Variants in ANKRD12 observed in about 807,000 individuals in gnomAD.
ANKRD12 encodes ankyrin repeat domain 12.
Under a neutral mutation model 183.4 loss-of-function variants are expected in ANKRD12, and 85 were observed. That is an observed-to-expected ratio of 0.46 (90% CI 0.39 to 0.56). The LOEUF (loss-of-function observed/expected upper bound fraction) is 0.56, where lower values mean the gene tolerates loss of function less well. Ranked by LOEUF, ANKRD12 falls within the 20% of genes least tolerant of loss-of-function variation. The pLI, the probability that ANKRD12 is intolerant of heterozygous loss-of-function variation, is 0.00. For missense variants in ANKRD12, 2,405 were observed against 2,357.1 expected, an observed-to-expected ratio of 1.02 and a Z score of -0.42; for synonymous variants, 914 against 800.2, an observed-to-expected ratio of 1.14 and a Z score of -2.40.
chr18:9,226,037 G>C (rs1225779229), intron 8 of ANKRD12, among the ~76,000 whole-genome samples: 3 of 152,096 alleles, frequency 2.0e-5, no homozygotes, highest in Non-Finnish European at 4.4e-5. Flanking sequence ...CAATATTCAT[G>C]GTTGTGATGT....
rs1205090311 is a variant in ANKRD12 at position 9,279,418 on chromosome 18, C to T, written c.5908-131C>T. On this transcript the variant is annotated intron_variant, in intron 11 of 12. Transcript: ENST00000262126. ...AAGTTTTACCAACTTCAGCAGTATT[C>T]AATTTATATATTTCTCAAAATATAT... 3 of 588,372 alleles carry T rather than the reference C, an allele frequency of 5.1e-6. No homozygotes were observed. In the East Asian group the frequency reaches 9.9e-5, roughly 19 times the overall value. 36.4% of individuals were successfully genotyped at this position (588,372 alleles called of 1,614,324 possible).
At chr18:9,231,784 C>T (rs2144874548) in intron 8 of ANKRD12, among the ~76,000 whole-genome samples, 1 of 137,146 alleles carries the variant, frequency 7.3e-6, no homozygotes, top group African/African-American at 2.8e-5. Context: ...GAGATCATGC[C>T]ACTGCACTCC....
intron 7 of ANKRD12, among the ~76,000 whole-genome samples, chr18:9,219,845 G>GT (rs2036318456): frequency 6.6e-6 from 1 of 151,978 alleles, no homozygotes; most frequent in Non-Finnish European, 1.5e-5. Flanking sequence ...TAGATCAAAG[G>GT]TTTTTTAGCT....
At chr18:9,173,593 G>A (rs773461372) in intron 1 of ANKRD12, among the ~76,000 whole-genome samples, 2 of 138,004 alleles carry the variant, frequency 1.4e-5, no homozygotes, top group African/African-American at 2.7e-5. Context: ...CCTTCCCTTG[G>A]GAGCTCCATC....
Position 9,182,522 on chromosome 18 carries a change from A to G in ANKRD12, c.87+3A>G, listed in dbSNP as rs766294727. 6.4e-7 allele frequency: 1 copy of G among 1,562,912 alleles called. No individual in the cohort carries two copies. The highest frequency in any genetic ancestry group is 8.7e-7 in the Non-Finnish European group (1 of 1,149,604). On this transcript the variant is annotated splice_donor_region_variant and intron_variant, in intron 2 of 12. Transcript: ENST00000262126. ...TAGAGAAACCATATGGAAGAAAGGT[A>G]TATGATTATACTAAAGATTTGTTGA...
intron 1 of ANKRD12, among the ~76,000 whole-genome samples, chr18:9,166,663 A>G (rs924957708): frequency 4.6e-5 from 7 of 151,970 alleles, no homozygotes; most frequent in African/African-American, 1.7e-4. Flanking sequence ...CCCATTCTGT[A>G]GGTTGCCTGT....
intron 1 of ANKRD12, among the ~76,000 whole-genome samples, chr18:9,167,603 TGAG>T (rs893995487): frequency 1.3e-4 from 20 of 152,324 alleles, no homozygotes; most frequent in East Asian, 3.9e-4. Flanking sequence ...CTTATCAGCT[TGAG>T]GAGATTTTGG....
At chr18:9,141,345 G>A (rs1385820167) in intron 1 of ANKRD12, among the ~76,000 whole-genome samples, 1 of 152,094 alleles carries the variant, frequency 6.6e-6, no homozygotes, top group Non-Finnish European at 1.5e-5. Flanking sequence ...TTGATATCAT[G>A]CTTCTAAAGA....
intron 10 of ANKRD12, among the ~76,000 whole-genome samples, chr18:9,272,839 TG>T (rs2039671135): frequency 6.6e-6 from 1 of 152,180 alleles, no homozygotes; most frequent in Non-Finnish European, 1.5e-5. Context: ...GTTTTTTTCA[TG>T]AATTTATAAA....
At chr18:9,242,893 G>C (rs1421394234) in intron 8 of ANKRD12, among the ~76,000 whole-genome samples, 1 of 152,076 alleles carries the variant, frequency 6.6e-6, no homozygotes, top group Non-Finnish European at 1.5e-5. Flanking sequence ...ATGAAAATAA[G>C]TTCTTATCTG....
rs1319824045 is a variant in ANKRD12 at position 9,255,412 on chromosome 18, T to C, written c.2145T>C (p.His715=). 6.3e-7 allele frequency: 1 copy of C among 1,581,644 alleles called. No individual in the cohort carries two copies. The highest frequency in any genetic ancestry group is 8.5e-7 in the Non-Finnish European group (1 of 1,171,162). Residue 715 remains histidine (H), a synonymous_variant, in exon 9 of 13, where the codon CAT becomes CAC. Transcript: ENST00000262126. ...ETEDLFLNME[H]ESLTLEKKSK... Reference sequence around the variant, plus strand: ...AAGATCTCTTTTTAAATATGGAACATGAATCCTTAACATTAGAAAAAAAAT... The same window carrying C: ...AAGATCTCTTTTTAAATATGGAACACGAATCCTTAACATTAGAAAAAAAAT...
chr18:9,137,680 C>G (rs907134067), intron 1 of ANKRD12: 1 of 152,194 alleles, frequency 6.6e-6, no homozygotes, highest in Non-Finnish European at 1.5e-5. Flanking sequence ...CTCTACAGTT[C>G]TGTCTTAAAT....
intron 1 of ANKRD12, among the ~76,000 whole-genome samples, chr18:9,160,378 G>A (rs1470214470): frequency 6.6e-6 from 1 of 152,236 alleles, no homozygotes; most frequent in East Asian, 1.9e-4. Context: ...CTTCCAAAGT[G>A]CTAGGATTAT....
chr18:9,156,075 T>G (rs1253280986), intron 1 of ANKRD12, among the ~76,000 whole-genome samples: 4 of 147,458 alleles, frequency 2.7e-5, no homozygotes, highest in African/African-American at 1.0e-4. Context: ...GAGGTGGAGG[T>G]TGTGGTGAGT....
chr18:9,252,695 T>A (rs2038369813), intron 8 of ANKRD12, among the ~76,000 whole-genome samples: 1 of 152,190 alleles, frequency 6.6e-6, no homozygotes. Flanking sequence ...CTGGGTACAG[T>A]GGCTCGTGCC....
At chr18:9,193,636 AT>A in intron 2 of ANKRD12, among the ~76,000 whole-genome samples, 1 of 152,304 alleles carries the variant, frequency 6.6e-6, no homozygotes, top group South Asian at 2.1e-4. Flanking sequence ...TTTAAAAAAA[AT>A]GACATTAATT....
Position 9,281,018 on chromosome 18 carries a change from C to T in ANKRD12, c.6081C>T (p.Leu2027=). 1 of 1,614,090 alleles carries T rather than the reference C, an allele frequency of 6.2e-7. No individual in the cohort carries two copies. The highest frequency in any genetic ancestry group is 8.5e-7 in the Non-Finnish European group (1 of 1,179,990). The part of the protein sequence containing the change: ...AVQRLEWQLK[L]QELDPATYKS... ...AGAGGTTAGAATGGCAGCTCAAACTCCAGGAACTTGATCCTGCCACCTATA... is the reference window on the plus strand; with the variant it reads ...AGAGGTTAGAATGGCAGCTCAAACTTCAGGAACTTGATCCTGCCACCTATA... Residue 2027 remains leucine (L), a synonymous_variant, in exon 13 of 13, where the codon CTC becomes CTT. Transcript: ENST00000262126.
At chr18:9,183,911 A>G (rs1301898200) in intron 2 of ANKRD12, among the ~76,000 whole-genome samples, 1 of 152,050 alleles carries the variant, frequency 6.6e-6, no homozygotes, top group Non-Finnish European at 1.5e-5. Flanking sequence ...TTGGTTTTAA[A>G]TATTTTTCAG....
chr18:9,158,962 G>A (rs2031004229), intron 1 of ANKRD12, among the ~76,000 whole-genome samples: 1 of 151,952 alleles, frequency 6.6e-6, no homozygotes, highest in South Asian at 2.1e-4. Flanking sequence ...ATTTTTTTCT[G>A]GCATTGTCTG....
Sources: gnomAD v4.1 joint callset for allele counts (sites outside exome capture counted in the v4.1 genomes callset) on GRCh38, gnomAD v4.1.1 for gene constraint, MANE v1.5 for transcripts, NCBI Gene and HGNC (gene_info 2026-07-23, HGNC 2026-07-21) for gene names.